DNAH2: variants seen among roughly 807,000 people sequenced by gnomAD.
The protein encoded by DNAH2 is axonemal beta dynein heavy chain 2.
Under a neutral mutation model 523.5 loss-of-function variants are expected in DNAH2, and 323 were observed. That is an observed-to-expected ratio of 0.62 (90% CI 0.56 to 0.68). The LOEUF (loss-of-function observed/expected upper bound fraction) is 0.68. DNAH2 is among the 30% of genes least tolerant of loss of function. DNAH2 has a pLI of 0.00. For missense variants in DNAH2, 4,907 were observed against 5,701.5 expected (o/e 0.86, Z 4.49); for synonymous variants, 2,093 against 2,177.4 (o/e 0.96, Z 1.08).
chr17:7,738,116 A>G lies in DNAH2; in HGVS notation c.1170+858A>G, dbSNP rs1193494212. 4.3e-6 allele frequency: 3 copies of G among 703,460 alleles called. No homozygotes were observed. The Admixed American group carries it at 6.0e-5, about 14-fold the overall frequency. The allele number at this position is 703,460 out of a possible 1,614,324, so 43.6% of individuals were successfully genotyped here. On this transcript the variant is annotated intron_variant, in intron 8 of 85. Coordinates refer to ENST00000572933, the MANE Select transcript of DNAH2 (RefSeq NM_020877.5). ...CTACGTACAGGCTGTGCAGATGCAC[A>G]TCCAGTATGATACGCCTCCCCTAAC...
chr17:7,802,687 G>T (rs563496608), intron 58 of DNAH2, among the ~76,000 whole-genome samples: 1 of 151,538 alleles, frequency 6.6e-6, no homozygotes, highest in African/African-American at 2.4e-5. Context: ...TTTTTTAGAC[G>T]GAGTCTCGCT....
At position 7,780,593 on chromosome 17, in the gene DNAH2, G is replaced by A; in HGVS notation, c.5851-37G>A. 1 of 1,610,326 alleles carries A rather than the reference G, an allele frequency of 6.2e-7. No individual in the cohort carries two copies. Among genetic ancestry groups the A allele is most frequent in the South Asian group, 1.1e-5 (1 of 90,962 alleles). ...GAGATGAAGCAGAGGGATTTGTGGGGAGATGGACTGTTTCCTCCTCTGTTT... is the reference window on the plus strand; with the variant it reads ...GAGATGAAGCAGAGGGATTTGTGGGAAGATGGACTGTTTCCTCCTCTGTTT... On this transcript the variant is annotated intron_variant, in intron 37 of 85. Transcript: ENST00000572933. This position sits in a 1 kb window ranked among gnomAD's most constrained non-coding sequence, Gnocchi z 4.4.
chr17:7,800,995 C>T (rs2077207207), intron 56 of DNAH2, among the ~76,000 whole-genome samples: 1 of 151,632 alleles, frequency 6.6e-6, no homozygotes, highest in Non-Finnish European at 1.5e-5. Flanking sequence ...GCCTCAGCCT[C>T]TCCGGTAGCT....
chr17:7,821,992 G>T lies in DNAH2; in HGVS notation c.11142+623G>T, dbSNP rs2077867965. Reference sequence around the variant, plus strand: ...AACTCTCAACACAGCAACCAGAGAGGTCCCACTCTGTCACTCACTGTGGCT... The same window carrying T: ...AACTCTCAACACAGCAACCAGAGAGTTCCCACTCTGTCACTCACTGTGGCT... On this transcript the variant is annotated intron_variant, in intron 73 of 85. Transcript: ENST00000572933. This position sits in a 1 kb window ranked among gnomAD's most constrained non-coding sequence, Gnocchi z 5.0. Among the ~76,000 whole-genome samples the T allele has an allele frequency of 6.6e-6, 1 of 151,964 alleles. No individual in the cohort carries two copies. Among genetic ancestry groups the T allele is most frequent in the Non-Finnish European group, 1.5e-5 (1 of 67,994 alleles).
intron 39 of DNAH2, among the ~76,000 whole-genome samples, chr17:7,785,876 G>T (rs1042977238): frequency 2.0e-5 from 3 of 152,164 alleles, no homozygotes; most frequent in Non-Finnish European, 4.4e-5. Context: ...AAACTGAGGC[G>T]TGGAGAAGTA....
rs1342261672 is a variant in DNAH2 at position 7,817,275 on chromosome 17, C to T, written c.9895-15C>T. ...CTGGGGCCCAGGCAGGCTTACCCTC[C>T]CTCCTGTCCGCCAGGGCCTGGAGGA... On this transcript the variant is annotated splice_polypyrimidine_tract_variant and intron_variant, in intron 64 of 85. Coordinates refer to ENST00000572933, the MANE Select transcript of DNAH2 (RefSeq NM_020877.5). 2 of 1,584,572 alleles carry T rather than the reference C, an allele frequency of 1.3e-6. No individual in the cohort carries two copies. Among genetic ancestry groups the T allele is most frequent in the Non-Finnish European group, 1.7e-6 (2 of 1,172,286 alleles).
chr17:7,802,097 G>A (rs2151294434), intron 58 of DNAH2, 80 bp downstream of exon 58: 2 of 1,562,962 alleles, frequency 1.3e-6, no homozygotes, highest in East Asian at 2.2e-5. Flanking sequence ...ATGCTGATGT[G>A]CAAGGGCAGA....
At chr17:7,751,416 T>A (rs1022597578) in intron 12 of DNAH2, among the ~76,000 whole-genome samples, 3 of 152,168 alleles carry the variant, frequency 2.0e-5, no homozygotes, top group African/African-American at 4.8e-5. Context: ...AATTTTATTT[T>A]AAAAAATATT....
rs1332773911 is a variant in DNAH2 at position 7,787,288 on chromosome 17, G to A, written c.6603+255G>A. ...AGGCTTGGGCGGCCCTCCTCGGCTC[G>A]TTCTCACGGATGCATGAGGCAGGAC... On this transcript the variant is annotated intron_variant, in intron 42 of 85. Coordinates refer to ENST00000572933, the MANE Select transcript of DNAH2 (RefSeq NM_020877.5). 7 of 548,992 alleles carry A rather than the reference G, an allele frequency of 1.3e-5. No individual in the cohort carries two copies. The East Asian group carries it at 1.5e-4, about 12-fold the overall frequency. 34.0% of individuals were successfully genotyped at this position (548,992 alleles called of 1,614,324 possible). A position where few individuals can be genotyped will look rare whatever the true frequency, so the allele number is the denominator to read the frequency against.
chr17:7,727,152 A>G lies in DNAH2; in HGVS notation c.259A>G (p.Thr87Ala). 1.3e-6 allele frequency: 2 copies of G among 1,590,756 alleles called. No individual in the cohort carries two copies. Among genetic ancestry groups the G allele is most frequent in the Middle Eastern group, 1.7e-4 (1 of 5,998 alleles). Reference protein sequence around the residue: ...KPLFLSRAALTGLADAVWTQE... With the variant: ...KPLFLSRAALAGLADAVWTQE... ...CCTCTTCCTTTCCCGAGCTGCGCTG[A>G]CAGGACTGGCGGATGCAGTGTGGAC... Residue 87 changes from threonine (T) to alanine (A), a missense_variant, in exon 4 of 86, where the codon ACA becomes GCA. Thr to Ala is a moderately conservative substitution (Grantham distance 58). Transcript: ENST00000572933.
At chr17:7,725,078 A>C (rs779374888) in intron 3 of DNAH2, among the ~76,000 whole-genome samples, 6 of 150,492 alleles carry the variant, frequency 4.0e-5, no homozygotes, top group Non-Finnish European at 8.9e-5. Flanking sequence ...CTTTTCACAA[A>C]ACATTTTATT....
At position 7,831,456 on chromosome 17, in the gene DNAH2, A is replaced by T. The variant is rs774128078; in HGVS notation, c.12526A>T (p.Lys4176Ter). 5 of 1,614,184 alleles carry T rather than the reference A, an allele frequency of 3.1e-6. No homozygotes were observed. The highest frequency in any genetic ancestry group is 4.2e-6 in the Non-Finnish European group (5 of 1,180,032). The change falls in exon 81 of 86, where the codon AAA becomes TAA. Residue 4176 changes from lysine to a stop codon, truncating the protein, a stop_gained. Coordinates refer to ENST00000572933, the MANE Select transcript of DNAH2 (RefSeq NM_020877.5). LOFTEE classifies it high-confidence loss of function. The surrounding 1 kb of genome is among the most constrained non-coding windows in gnomAD (Gnocchi z 4.2). ...AATGATCGACTATGAGGGGACTCAAAAACTGCTAGCTCTCGACCCCTCCCC... is the reference window on the plus strand; with the variant it reads ...AATGATCGACTATGAGGGGACTCAATAACTGCTAGCTCTCGACCCCTCCCC... The part of the protein sequence containing the change: ...PEMIDYEGTQ[K>*]LLALDPSPLN...
At position 7,808,383 on chromosome 17, in the gene DNAH2, AAAG is replaced by A. The variant is rs1330743090; in HGVS notation, c.9729+799_9729+801del. On this transcript the variant is annotated intron_variant, in intron 63 of 85. Transcript: ENST00000572933. Reference sequence around the variant, plus strand: ...AGACTGTCTCAGAAAAAAAAAAAAAAAAGATGCATGCATAAGTGACTCCTGAAC... The same window carrying A: ...AGACTGTCTCAGAAAAAAAAAAAAAAATGCATGCATAAGTGACTCCTGAAC... 2.4e-3 allele frequency among the ~76,000 whole-genome samples: 359 copies of A among 151,804 alleles called. 1 individual carries two copies. The highest frequency in any genetic ancestry group is 6.5e-3 in the African/African-American group (270 of 41,398).
chr17:7,833,558 G>T lies in DNAH2; in HGVS notation c.*25G>T. The stretch of plus-strand genomic sequence containing the variant: ...AGACCTCCTCCTCTTCTCCGCTTGA[G>T]AGAGAGGGTCAGGGACTCCAGGAGC... On this transcript the variant is annotated 3_prime_UTR_variant, in exon 86 of 86. Coordinates refer to ENST00000572933, the MANE Select transcript of DNAH2 (RefSeq NM_020877.5). 6.2e-7 allele frequency: 1 copy of T among 1,611,312 alleles called. No individual in the cohort carries two copies. The highest frequency in any genetic ancestry group is 1.1e-5 in the South Asian group (1 of 91,070).
chr17:7,815,711 G>C (rs1440449156), intron 63 of DNAH2, among the ~76,000 whole-genome samples: 1 of 149,808 alleles, frequency 6.7e-6, no homozygotes, highest in African/African-American at 2.5e-5. Flanking sequence ...CATGTATACG[G>C]GATCACACAC....
intron 79 of DNAH2, 22 bp downstream of exon 79, chr17:7,830,864 A>C (rs1459851795): frequency 6.2e-7 from 1 of 1,613,200 alleles, no homozygotes; most frequent in East Asian, 2.2e-5. Flanking sequence ...GTGGCCCTGG[A>C]CAGGGAGCCA....
rs1358233687 is a variant in DNAH2, at chr17:7,788,011, T to G, written c.6741+14T>G. On this transcript the variant is annotated intron_variant, in intron 43 of 85. Coordinates refer to ENST00000572933, the MANE Select transcript of DNAH2 (RefSeq NM_020877.5). ...AAGAGGCCAAAGGTATGAAGGGAAC[T>G]GAGGAGAGGGAAAGTAACCAGGGTG... 15 of 1,613,812 alleles carry G rather than the reference T, an allele frequency of 9.3e-6. No individual in the cohort carries two copies. The highest frequency in any genetic ancestry group is 1.3e-5 in the Non-Finnish European group (15 of 1,179,812).
chr17:7,778,512 T>G, intron 35 of DNAH2, 43 bp downstream of exon 35: 3 of 1,536,518 alleles, frequency 2.0e-6, no homozygotes, highest in Non-Finnish European at 2.6e-6. Context: ...CTTAAATACC[T>G]TTTCGTCCCA....
chr17:7,831,096 C>T lies in DNAH2; in HGVS notation c.12241C>T (p.Leu4081=). ...LSTPFHRLSA[L]ETYFIPKDGS... The stretch of plus-strand genomic sequence containing the variant: ...GCTATGACTCCCTAGGTTGTCAGCA[C>T]TGGAGACTTATTTCATCCCCAAGGA... The change falls in exon 80 of 86, where the codon CTG becomes TTG. Residue 4081 remains leucine, a synonymous_variant. Coordinates refer to ENST00000572933, the MANE Select transcript of DNAH2 (RefSeq NM_020877.5). This position sits in a 1 kb window ranked among gnomAD's most constrained non-coding sequence, Gnocchi z 4.2. 6.2e-7 allele frequency: 1 copy of T among 1,613,448 alleles called. No individual in the cohort carries two copies. Among genetic ancestry groups the T allele is most frequent in the Non-Finnish European group, 8.5e-7 (1 of 1,179,988 alleles).
Sources: gnomAD v4.1 joint callset for allele counts (sites outside exome capture counted in the v4.1 genomes callset) on GRCh38, gnomAD v4.1.1 for gene constraint, Gnocchi (gnomAD v3.1) non-coding constraint, MANE v1.5 for transcripts, NCBI Gene and HGNC (gene_info 2026-07-23, HGNC 2026-07-21) for gene names.